Variants in KCNMA1 observed in about 807,000 individuals in gnomAD.
KCNMA1 encodes Calcium-activated potassium channel subunit alpha-1.
Under a neutral mutation model 140.0 loss-of-function variants are expected in KCNMA1, and 29 were observed. The ratio of observed to expected loss-of-function variants is 0.21; its 90% CI spans 0.15 to 0.28. The LOEUF is 0.28. KCNMA1 is among the 10% of genes least tolerant of loss of function. The probability of loss-of-function intolerance (pLI) is 1.00; values close to 1 mark genes in which losing one functional copy is unlikely to be tolerated. For synonymous variants in KCNMA1, 612 were observed against 611.9 expected (o/e 1.00, Z 0.00); for missense variants, 880 against 1,602.2 (o/e 0.55, Z 7.70).
At position 77,440,406 on chromosome 10, in the gene KCNMA1, G is replaced by A. The variant is rs140265990; in HGVS notation, c.379-36383C>T. 3.7e-3 allele frequency among the ~76,000 whole-genome samples: 561 copies of A among 152,240 alleles called. 7 individuals are homozygous for A. Among genetic ancestry groups the A allele is most frequent in the African/African-American group, 0.013 (542 of 41,530 alleles). On this transcript the variant is annotated intron_variant, in intron 1 of 27. Transcript: ENST00000286628. The stretch of plus-strand genomic sequence containing the variant: ...AGGGTTAAGTAAGAGGCAGAGCAAG[G>A]GTGAAACATGGGCAACAGTTTCAGA...
chr10:77,018,742 C>T (rs533372779), intron 17 of KCNMA1, among the ~76,000 whole-genome samples: 7 of 152,280 alleles, frequency 4.6e-5, no homozygotes, highest in East Asian at 3.9e-4. Context: ...AGGATGACCT[C>T]GAGCAGTCAT....
At chr10:77,006,291 G>T (rs2088580038) in intron 18 of KCNMA1, among the ~76,000 whole-genome samples, 1 of 151,690 alleles carries the variant, frequency 6.6e-6, no homozygotes, top group Admixed American at 6.6e-5. Flanking sequence ...TGGGATGGAA[G>T]AAAAAAAACA....
intron 1 of KCNMA1, among the ~76,000 whole-genome samples, chr10:77,625,642 C>T (rs1015283932): frequency 6.6e-6 from 1 of 152,144 alleles, no homozygotes; most frequent in Non-Finnish European, 1.5e-5. Context: ...TGGCTGATGT[C>T]CTCGATGTTC....
intron 1 of KCNMA1, among the ~76,000 whole-genome samples, chr10:77,588,311 T>G (rs894597839): frequency 1.7e-4 from 26 of 151,960 alleles, no homozygotes; most frequent in African/African-American, 5.6e-4. Flanking sequence ...GGGGATAGGG[T>G]CCCAAGAACA....
intron 1 of KCNMA1, among the ~76,000 whole-genome samples, chr10:77,431,268 TG>T (rs557728179): frequency 1.8e-3 from 269 of 152,302 alleles, no homozygotes; most frequent in Non-Finnish European, 2.2e-3. Flanking sequence ...GGCCATAGAT[TG>T]GCTCCCATTC....
At chr10:77,383,237 C>T (rs181504935) in intron 2 of KCNMA1, among the ~76,000 whole-genome samples, 9 of 151,826 alleles carry the variant, frequency 5.9e-5, no homozygotes, top group African/African-American at 7.3e-5. Context: ...GGGCAGACCT[C>T]GATTAGTCTG....
chr10:77,376,988 A>ATACATACATACATAC (rs1555258860), intron 2 of KCNMA1, among the ~76,000 whole-genome samples: 12 of 35,216 alleles, frequency 3.4e-4, no homozygotes, highest in South Asian at 1.3e-3. Context: ...TACATACATA[A>ATACATACATACATAC]AAATGAAATG....
At chr10:77,636,185 G>A in intron 1 of KCNMA1, 4 of 1,422,936 alleles carry the variant, frequency 2.8e-6, no homozygotes, top group Non-Finnish European at 3.7e-6. Context: ...AAAGAAGGCA[G>A]CTGGCTCACT....
intron 1 of KCNMA1, among the ~76,000 whole-genome samples, chr10:77,407,558 T>A (rs777263135): frequency 6.6e-6 from 1 of 152,140 alleles, no homozygotes; most frequent in African/African-American, 2.4e-5. Context: ...ACAGACAGGG[T>A]AACTAAGAGC....
In KCNMA1 at chr10:76,884,992, G is replaced by C. The variant is rs1184660401; in HGVS notation, c.*2274C>G. On this transcript the variant is annotated 3_prime_UTR_variant, in exon 28 of 28. Coordinates refer to ENST00000286628, the MANE Select transcript of KCNMA1 (RefSeq NM_001161352.2). ...GCAGAACCATTAATTGTCATACCTTGGCCCATTCTATTCATCCTTGTTGCA... is the reference window on the plus strand; with the variant it reads ...GCAGAACCATTAATTGTCATACCTTCGCCCATTCTATTCATCCTTGTTGCA... 3 of 1,547,734 alleles carry C rather than the reference G, an allele frequency of 1.9e-6. No individual in the cohort carries two copies. The highest frequency in any genetic ancestry group is 1.7e-6 in the Non-Finnish European group (2 of 1,145,572).
intron 22 of KCNMA1, among the ~76,000 whole-genome samples, chr10:76,946,877 T>C (rs966465742): frequency 8.5e-5 from 13 of 152,218 alleles, no homozygotes; most frequent in Admixed American, 2.0e-4. Flanking sequence ...GCTGGCCCTA[T>C]AGGCAGGGTA....
At chr10:77,022,873 T>G (rs1565598966) in intron 16 of KCNMA1, 1 of 442,710 alleles carries the variant, frequency 2.3e-6, no homozygotes. Flanking sequence ...GCCAATGATC[T>G]AGCAATCTCT....
intron 1 of KCNMA1, among the ~76,000 whole-genome samples, chr10:77,413,494 A>G (rs1190045471): frequency 2.0e-5 from 3 of 152,194 alleles, no homozygotes; most frequent in African/African-American, 7.2e-5. Context: ...TACCCAAAGC[A>G]GCTCAAGCAA....
chr10:76,885,787 T>C lies in KCNMA1; in HGVS notation c.*1479A>G. 7.1e-6 allele frequency: 7 copies of C among 985,106 alleles called. No homozygotes were observed. Among genetic ancestry groups the C allele is most frequent in the Non-Finnish European group, 8.4e-6 (7 of 829,716 alleles). 61.0% of individuals were successfully genotyped at this position (985,106 alleles called of 1,614,324 possible). Reference sequence around the variant, plus strand: ...GCACAAAGCATCTGACAACTATATGTTGAAAAAAGGGTATTTTTCTACCTC... The same window carrying C: ...GCACAAAGCATCTGACAACTATATGCTGAAAAAAGGGTATTTTTCTACCTC... On this transcript the variant is annotated 3_prime_UTR_variant, in exon 28 of 28. Coordinates refer to ENST00000286628, the MANE Select transcript of KCNMA1 (RefSeq NM_001161352.2).
At chr10:77,109,405 CA>C (rs60502075) in intron 8 of KCNMA1, among the ~76,000 whole-genome samples, 140,512 of 151,902 alleles carry the variant, frequency 0.93, 65,231 homozygotes, top group African/African-American at 0.98. Context: ...TCATAAATGG[CA>C]AAAAAAAATC....
chr10:77,191,337 T>C (rs772053086), intron 3 of KCNMA1, among the ~76,000 whole-genome samples: 1 of 152,198 alleles, frequency 6.6e-6, no homozygotes, highest in African/African-American at 2.4e-5. Context: ...GAATTCATCA[T>C]TGAGAAAGCA....
intron 3 of KCNMA1, among the ~76,000 whole-genome samples, chr10:77,197,959 C>T (rs566086592): frequency 1.8e-4 from 28 of 152,100 alleles, no homozygotes; most frequent in African/African-American, 6.0e-4. Context: ...GCTTTGGGGA[C>T]GAGGAGGGGC....
At chr10:77,573,836 CT>C (rs71028290) in intron 1 of KCNMA1, among the ~76,000 whole-genome samples, 7,446 of 133,610 alleles carry the variant, frequency 0.056, 224 homozygotes, top group African/African-American at 0.07. Context: ...TTATAATACT[CT>C]TTTTTTTTTT....
intron 2 of KCNMA1, among the ~76,000 whole-genome samples, chr10:77,255,609 C>A (rs2060557497): frequency 6.9e-6 from 1 of 145,494 alleles, no homozygotes; most frequent in African/African-American, 2.5e-5. Flanking sequence ...CCAAAAAAAG[C>A]AAAATAAAAA....
Sources: gnomAD v4.1 joint callset for allele counts (sites outside exome capture counted in the v4.1 genomes callset) on GRCh38, gnomAD v4.1.1 for gene constraint, MANE v1.5 for transcripts, NCBI Gene and HGNC (gene_info 2026-07-23, HGNC 2026-07-21) for gene names.